The following KLRC4 variants were observed in gnomAD, a reference collection of about 807,000 sequenced individuals.
KLRC4 encodes the protein killer cell lectin like receptor C4.
Under a neutral mutation model 14.3 loss-of-function variants are expected in KLRC4, and 6 were observed. The ratio of observed to expected loss-of-function variants is 0.42; its 90% CI spans 0.23 to 0.83. The LOEUF (loss-of-function observed/expected upper bound fraction) is 0.83. KLRC4 is among the 40% of genes least tolerant of loss of function. The probability of loss-of-function intolerance (pLI) is 0.29; values close to 1 mark genes in which losing one functional copy is unlikely to be tolerated. For synonymous variants in KLRC4, 53 were observed against 60.5 expected, an observed-to-expected ratio of 0.88 and a Z score of 0.57; for missense variants, 158 against 179.4, an observed-to-expected ratio of 0.88 and a Z score of 0.68.
At position 10,407,454 on chromosome 12, in the gene KLRC4, T is replaced by C; in HGVS notation, c.*199A>G. ...CATGGGTTTCCATGAAAAGCAAAAC[T>C]GGAAATAACCAAATGTGCATTAACA... On this transcript the variant is annotated 3_prime_UTR_variant, in exon 4 of 4. Coordinates refer to ENST00000309384, the MANE Select transcript of KLRC4 (RefSeq NM_013431.2). The C allele has an allele frequency of 1.8e-6, 1 of 559,538 alleles. No homozygotes were observed. Among genetic ancestry groups the C allele is most frequent in the Non-Finnish European group, 2.9e-6 (1 of 346,596 alleles). 34.7% of individuals were successfully genotyped at this position (559,538 alleles called of 1,614,324 possible).
At position 10,409,022 on chromosome 12, in the gene KLRC4, G is replaced by C; in HGVS notation, c.188-12C>G. The C allele has an allele frequency of 6.2e-7, 1 of 1,613,568 alleles. No homozygotes were observed. The highest frequency in any genetic ancestry group is 2.2e-5 in the East Asian group (1 of 44,864). The stretch of plus-strand genomic sequence containing the variant: ...AGGTGGCAGTAAACCTGCAGGGAGA[G>C]AAAGAGGCACTGAGAGAGGGGAGAT... On this transcript the variant is annotated splice_polypyrimidine_tract_variant and intron_variant, in intron 1 of 3. Coordinates refer to ENST00000309384, the MANE Select transcript of KLRC4 (RefSeq NM_013431.2).
At chr12:10,407,913 A>G in intron 3 of KLRC4, 124 bp from the exon 4 acceptor site, 1 of 1,309,352 alleles carries the variant, frequency 7.6e-7, no homozygotes, top group Non-Finnish European at 1.0e-6. Flanking sequence ...TGTTAAATAT[A>G]TATTTTAAAA....
chr12:10,409,694 A>C lies in KLRC4; in HGVS notation c.-119T>G, dbSNP rs1440562188. The C allele has an allele frequency of 7.4e-7, 1 of 1,354,026 alleles. No homozygotes were observed. 83.9% of individuals were successfully genotyped at this position (1,354,026 alleles called of 1,614,324 possible). The stretch of plus-strand genomic sequence containing the variant: ...GGCAAACTGCATGTGTTGGAGGCTG[A>C]GTAGTAATGTTCATTTTGCTGTTGA... On this transcript the variant is annotated 5_prime_UTR_variant, in exon 1 of 4. Coordinates refer to ENST00000309384, the MANE Select transcript of KLRC4 (RefSeq NM_013431.2).
rs1386639384 is a variant in KLRC4, at chr12:10,407,799, A to C, written c.341-10T>G. ...TGGCCACAATGACGTGCTAAATAAA[A>C]ATATGAATTACTATGCAAAACAATA... On this transcript the variant is annotated splice_polypyrimidine_tract_variant and intron_variant, in intron 3 of 3. Transcript: ENST00000309384. 5.6e-6 allele frequency: 9 copies of C among 1,600,234 alleles called. No individual in the cohort carries two copies. In the Middle Eastern group the frequency reaches 5.0e-4, roughly 89 times the overall value.
intron 3 of KLRC4, 32 bp downstream of exon 3, chr12:10,408,297 C>A (rs375003904): frequency 2.3e-6 from 3 of 1,300,124 alleles, no homozygotes; most frequent in African/African-American, 1.5e-5. Context: ...ATAAACTGTA[C>A]TAACATCAGA....
At chr12:10,409,078 A>G (rs1314798639) in intron 1 of KLRC4, 68 bp from the exon 2 acceptor site, 34 of 1,542,434 alleles carry the variant, frequency 2.2e-5, no homozygotes, top group Non-Finnish European at 2.9e-5. Flanking sequence ...TACGTACAAG[A>G]GAACTCACGT....
At chr12:10,408,467 T>G (rs1863535030) in intron 2 of KLRC4, 85 bp from the exon 3 acceptor site, 2 of 686,860 alleles carry the variant, frequency 2.9e-6, no homozygotes, top group Non-Finnish European at 4.9e-6. Flanking sequence ...ATACAAAATT[T>G]AAAATTATTT....
chr12:10,407,434 GT>G lies in KLRC4; in HGVS notation c.*218del. On this transcript the variant is annotated 3_prime_UTR_variant, in exon 4 of 4. Transcript: ENST00000309384. ...GATAAAAACATTTATAGAAGCATGGGTTTCCATGAAAAGCAAAACTGGAAAT... is the reference window on the plus strand; with the variant it reads ...GATAAAAACATTTATAGAAGCATGGGTTCCATGAAAAGCAAAACTGGAAAT... 2.1e-6 allele frequency: 1 copy of G among 483,138 alleles called. No individual in the cohort carries two copies. The highest frequency in any genetic ancestry group is 3.5e-6 in the Non-Finnish European group (1 of 283,568). The allele number at this position is 483,138 out of a possible 1,614,324, so 29.9% of individuals were successfully genotyped here. A position where few individuals can be genotyped will look rare whatever the true frequency, so the allele number is the denominator to read the frequency against.
At chr12:10,408,656 G>A (rs1167032385) in intron 2 of KLRC4, among the ~76,000 whole-genome samples, 1 of 151,886 alleles carries the variant, frequency 6.6e-6, no homozygotes. Context: ...ATGTCTTTGA[G>A]TCATGAAATC....
Position 10,407,527 on chromosome 12 carries a change from C to G in KLRC4, c.*126G>C, listed in dbSNP as rs1413344256. ...TGAAGTCAGTTGAATACTACACAGA[C>G]TTAAAAATATATGAAGTAAATATAT... is the stretch of plus-strand genomic sequence containing the variant. On this transcript the variant is annotated 3_prime_UTR_variant, in exon 4 of 4. Coordinates refer to ENST00000309384, the MANE Select transcript of KLRC4 (RefSeq NM_013431.2). 1.5e-5 allele frequency: 17 copies of G among 1,165,164 alleles called. No individual in the cohort carries two copies. The highest frequency in any genetic ancestry group is 1.8e-5 in the Non-Finnish European group (15 of 835,798). 72.2% of individuals were successfully genotyped at this position (1,165,164 alleles called of 1,614,324 possible). A position where few individuals can be genotyped will look rare whatever the true frequency, so the allele number is the denominator to read the frequency against.
At position 10,407,549 on chromosome 12, in the gene KLRC4, A is replaced by G; in HGVS notation, c.*104T>C. 1 of 1,337,608 alleles carries G rather than the reference A, an allele frequency of 7.5e-7. No individual in the cohort carries two copies. Among genetic ancestry groups the G allele is most frequent in the Non-Finnish European group, 1.0e-6 (1 of 975,072 alleles). 82.9% of individuals were successfully genotyped at this position (1,337,608 alleles called of 1,614,324 possible). A position where few individuals can be genotyped will look rare whatever the true frequency, so the allele number is the denominator to read the frequency against. On this transcript the variant is annotated 3_prime_UTR_variant, in exon 4 of 4. Transcript: ENST00000309384. ...AGACTTAAAAATATATGAAGTAAAT[A>G]TATGTATAAACATATGGATGATTTC...
Position 10,409,680 on chromosome 12 carries a change from T to C in KLRC4, c.-105A>G. On this transcript the variant is annotated 5_prime_UTR_variant, in exon 1 of 4. It removes an upstream start codon present in the reference 5' UTR. Coordinates refer to ENST00000309384, the MANE Select transcript of KLRC4 (RefSeq NM_013431.2). ...GGATCCCTGGTATAGGCAAACTGCA[T>C]GTGTTGGAGGCTGAGTAGTAATGTT... 2.1e-6 allele frequency: 3 copies of C among 1,436,242 alleles called. No homozygotes were observed. The highest frequency in any genetic ancestry group is 2.8e-6 in the Non-Finnish European group (3 of 1,071,382). 89.0% of individuals were successfully genotyped at this position (1,436,242 alleles called of 1,614,324 possible).
Position 10,408,990 on chromosome 12 carries a change from T to G in KLRC4, c.208A>C (p.Lys70Gln). Residue 70 changes from lysine to glutamine, a missense_variant, in exon 2 of 4, where the codon AAG becomes CAG. Lys to Gln is a moderately conservative substitution (Grantham distance 53). Coordinates refer to ENST00000309384, the MANE Select transcript of KLRC4 (RefSeq NM_013431.2). ...ATTCCTAGGACCTCAGCAGTGAGCT[T>G]CTCTGGAGGTGGCAGTAAACCTGCA... ...HCKGLLPPPE[K>Q]LTAEVLGIIC... 6.2e-7 allele frequency: 1 copy of G among 1,613,750 alleles called. No homozygotes were observed. The highest frequency in any genetic ancestry group is 8.5e-7 in the Non-Finnish European group (1 of 1,179,734).
intron 3 of KLRC4, 34 bp from the exon 4 acceptor site, chr12:10,407,823 T>C (rs781574827): frequency 6.3e-7 from 1 of 1,586,434 alleles, no homozygotes; most frequent in Non-Finnish European, 8.6e-7. Context: ...TGCAAAACAA[T>C]ATGTTTACAA....
rs767567717 is a variant in KLRC4 at position 10,408,674 on chromosome 12, ATC to A, written c.286+236_286+237del. ...TCTTTGAGTCATGAAATCAGAATACATCTCTCTGTGTGTGTATCATATATACA... is the reference window on the plus strand; with the variant it reads ...TCTTTGAGTCATGAAATCAGAATACATCTCTGTGTGTGTATCATATATACA... On this transcript the variant is annotated intron_variant, in intron 2 of 3. Coordinates refer to ENST00000309384, the MANE Select transcript of KLRC4 (RefSeq NM_013431.2). Among the ~76,000 whole-genome samples the A allele has an allele frequency of 1.3e-3, 199 of 152,212 alleles. 1 individual carries two copies. The highest frequency in any genetic ancestry group is 4.5e-3 in the African/African-American group (188 of 41,520).
Position 10,408,310 on chromosome 12 carries a change from A to G in KLRC4, c.340+19T>C, listed in dbSNP as rs752461432. On this transcript the variant is annotated intron_variant, in intron 3 of 3. Transcript: ENST00000309384. ...ATATAAACTGTACTAACATCAGAAC[A>G]TTGACAATCATAATGTACCTTTCTG... 75 of 1,400,550 alleles carry G rather than the reference A, an allele frequency of 5.4e-5. No homozygotes were observed. The highest frequency in any genetic ancestry group is 7.1e-5 in the Non-Finnish European group (70 of 989,458). The allele number at this position is 1,400,550 out of a possible 1,614,324, so 86.8% of individuals were successfully genotyped here. A position where few individuals can be genotyped will look rare whatever the true frequency, so the allele number is the denominator to read the frequency against.
intron 3 of KLRC4, 107 bp from the exon 4 acceptor site, chr12:10,407,896 C>T (rs968943009): frequency 3.6e-6 from 5 of 1,396,540 alleles, no homozygotes; most frequent in Non-Finnish European, 4.8e-6. Context: ...TCTGCATCCT[C>T]ATAAGTTGTT....
At chr12:10,409,114 C>T in intron 1 of KLRC4, 104 bp from the exon 2 acceptor site, 4 of 1,267,710 alleles carry the variant, frequency 3.2e-6, no homozygotes, top group Non-Finnish European at 4.5e-6. Flanking sequence ...ATGATAAACT[C>T]TGTCCTCTAA....
In KLRC4 at chr12:10,407,897, A is replaced by G. The variant is rs1000493383; in HGVS notation, c.341-108T>C. On this transcript the variant is annotated intron_variant, in intron 3 of 3. Coordinates refer to ENST00000309384, the MANE Select transcript of KLRC4 (RefSeq NM_013431.2). ...ACAGGTACACAATATCTGCATCCTC[A>G]TAAGTTGTTAAATATATATTTTAAA... 3.1e-5 allele frequency: 43 copies of G among 1,391,412 alleles called. No homozygotes were observed. The East Asian group carries it at 5.6e-4, about 18-fold the overall frequency. 86.2% of individuals were successfully genotyped at this position (1,391,412 alleles called of 1,614,324 possible).
Sources: allele counts gnomAD v4.1 joint callset (sites outside exome capture counted in the v4.1 genomes callset), GRCh38; gene constraint gnomAD v4.1.1; transcripts MANE v1.5; gene names NCBI Gene and HGNC (gene_info 2026-07-23, HGNC 2026-07-21).